HMGCLL1: variants seen among roughly 807,000 people sequenced by gnomAD.
HMGCLL1 encodes the protein 3-hydroxymethyl-3-methylglutaryl-CoA lyase, cytoplasmic.
In HMGCLL1, 36 loss-of-function variants were observed where a neutral mutation model predicts 39.1. The ratio of observed to expected loss-of-function variants is 0.92; its 90% CI spans 0.71 to 1.22. HMGCLL1 has a LOEUF of 1.22. HMGCLL1 is among the 50% of genes most tolerant of loss of function. The probability of loss-of-function intolerance (pLI) is 0.00; values close to 1 mark genes in which losing one functional copy is unlikely to be tolerated. For synonymous variants in HMGCLL1, 149 were observed against 144.0 expected, an observed-to-expected ratio of 1.03 and a Z score of -0.25; for missense variants, 451 against 416.5, an observed-to-expected ratio of 1.08 and a Z score of -0.72.
chr6:55,620,723 T>C, the HMGCLL1 span, among the ~76,000 whole-genome samples: 51,471 of 151,880 alleles, frequency 0.34, 9,032 homozygotes, highest in African/African-American at 0.42. Context: ...TTTCTTTTAG[T>C]AGTTTTATGA....
the HMGCLL1 span, among the ~76,000 whole-genome samples, chr6:55,674,389 C>T: frequency 6.7e-6 from 1 of 149,342 alleles, no homozygotes; most frequent in Non-Finnish European, 1.5e-5. Context: ...AGCAAGAATC[C>T]GTGTCTTAAA....
the HMGCLL1 span, among the ~76,000 whole-genome samples, chr6:55,673,787 G>A: frequency 1.4e-4 from 21 of 151,940 alleles, no homozygotes; most frequent in African/African-American, 4.6e-4. Flanking sequence ...ACTTTACAAA[G>A]TATTTCAAAT....
At chr6:55,436,647 T>C (rs1172990561) in intron 8 of HMGCLL1, among the ~76,000 whole-genome samples, 3 of 152,052 alleles carry the variant, frequency 2.0e-5, no homozygotes, top group Non-Finnish European at 4.4e-5. Flanking sequence ...ATATTCAGTT[T>C]TCCTTGCTAT....
At chr6:55,524,768 T>C (rs1253124379) in intron 3 of HMGCLL1, among the ~76,000 whole-genome samples, 1 of 151,858 alleles carries the variant, frequency 6.6e-6, no homozygotes, top group Non-Finnish European at 1.5e-5. Flanking sequence ...CTAATGATTG[T>C]CCCTTGGAAA....
chr6:55,520,606 C>T (rs1049632776), intron 3 of HMGCLL1, among the ~76,000 whole-genome samples: 9 of 150,926 alleles, frequency 6.0e-5, no homozygotes, highest in African/African-American at 1.9e-4. Flanking sequence ...ATTTTTTTTT[C>T]TCTTGGGGAG....
chr6:55,605,279 C>T, the HMGCLL1 span, among the ~76,000 whole-genome samples: 4 of 152,224 alleles, frequency 2.6e-5, no homozygotes, highest in African/African-American at 9.6e-5. Context: ...ACGTTACACT[C>T]CGACTACTCC....
At chr6:55,472,408 T>A (rs1282916089) in intron 7 of HMGCLL1, among the ~76,000 whole-genome samples, 1 of 151,626 alleles carries the variant, frequency 6.6e-6, no homozygotes, top group Admixed American at 6.6e-5. Flanking sequence ...TACTTGCTAT[T>A]AATACACCTT....
the HMGCLL1 span, among the ~76,000 whole-genome samples, chr6:55,673,970 T>C: frequency 1.3e-5 from 2 of 152,006 alleles, no homozygotes; most frequent in Non-Finnish European, 2.9e-5. Context: ...CTAAAACTTG[T>C]TATCTTAACT....
At chr6:55,496,340 C>CAA (rs35222191) in intron 6 of HMGCLL1, among the ~76,000 whole-genome samples, 1 of 151,442 alleles carries the variant, frequency 6.6e-6, no homozygotes, top group Admixed American at 6.6e-5. Context: ...AAACTCAGCA[C>CAA]ACAGACTGTA....
chr6:55,577,331 C>A (rs1771809668), intron 1 of HMGCLL1, among the ~76,000 whole-genome samples: 2 of 133,018 alleles, frequency 1.5e-5, no homozygotes, highest in African/African-American at 2.7e-5. Flanking sequence ...CTGGAGGGAG[C>A]AAAGGGCTGG....
At chr6:55,562,127 C>A (rs949222988) in intron 1 of HMGCLL1, among the ~76,000 whole-genome samples, 8 of 151,860 alleles carry the variant, frequency 5.3e-5, no homozygotes, top group Admixed American at 5.3e-4. Context: ...AGATGAGGAA[C>A]CCAAATTTCC....
chr6:55,619,628 A>G, the HMGCLL1 span, among the ~76,000 whole-genome samples: 1 of 152,162 alleles, frequency 6.6e-6, no homozygotes, highest in Non-Finnish European at 1.5e-5. Context: ...CAGGCGTACT[A>G]TGTATAATAA....
At chr6:55,545,435 A>G (rs1459871484) in intron 1 of HMGCLL1, among the ~76,000 whole-genome samples, 1 of 152,118 alleles carries the variant, frequency 6.6e-6, no homozygotes, top group African/African-American at 2.4e-5. Context: ...ATTGTTTTTG[A>G]TTCCTCTTGA....
intron 3 of HMGCLL1, among the ~76,000 whole-genome samples, chr6:55,526,380 G>A (rs1232518219): frequency 6.6e-6 from 1 of 151,864 alleles, no homozygotes; most frequent in Admixed American, 6.6e-5. Flanking sequence ...ACTTGACTTA[G>A]ATGTCTCTAT....
At chr6:55,477,291 AAAATAATATATATTAT>A (rs1765431546) in intron 7 of HMGCLL1, among the ~76,000 whole-genome samples, 1 of 10,106 alleles carries the variant, frequency 9.9e-5, no homozygotes, top group Non-Finnish European at 1.3e-4. Context: ...TATTATATAT[AAAATAATATATATTAT>A]ATATATAATA....
chr6:55,483,252 G>T (rs1475296396), intron 7 of HMGCLL1, among the ~76,000 whole-genome samples: 4 of 151,996 alleles, frequency 2.6e-5, no homozygotes. Flanking sequence ...ACATAAAAAT[G>T]ATCAAGAAGG....
chr6:55,672,048 G>A, the HMGCLL1 span, among the ~76,000 whole-genome samples: 1 of 151,644 alleles, frequency 6.6e-6, no homozygotes, highest in Admixed American at 6.6e-5. Context: ...TCTGGGAAGA[G>A]GAACAGGGAA....
At chr6:55,570,945 T>C (rs1435854961) in intron 1 of HMGCLL1, among the ~76,000 whole-genome samples, 1 of 152,098 alleles carries the variant, frequency 6.6e-6, no homozygotes, top group Non-Finnish European at 1.5e-5. Context: ...CGAGAGAGAA[T>C]GAGAGCCAAG....
rs190710525 is a variant in HMGCLL1 at position 55,558,906 on chromosome 6, T to C, written c.109-16766A>G. Among the ~76,000 whole-genome samples the C allele has an allele frequency of 1.4e-4, 21 of 152,332 alleles. No individual in the cohort carries two copies. The East Asian group carries it at 3.1e-3, about 22-fold the overall frequency. On this transcript the variant is annotated intron_variant, in intron 1 of 8. Transcript: ENST00000274901. ...AATCTCAATATAATTTATCTAACCT[T>C]GTTCATAATCTGCCAGGACTATGAT... is the stretch of plus-strand genomic sequence containing the variant.
Sources: gnomAD v4.1 joint callset for allele counts (sites outside exome capture counted in the v4.1 genomes callset) on GRCh38, gnomAD v4.1.1 for gene constraint, MANE v1.5 for transcripts, NCBI Gene and HGNC (gene_info 2026-07-23, HGNC 2026-07-21) for gene names.